Variants in GRID2 observed in about 807,000 individuals in gnomAD.
GRID2 encodes the protein glutamate receptor ionotropic, delta-2.
Under a neutral mutation model 114.8 loss-of-function variants are expected in GRID2, and 33 were observed. That is an observed-to-expected ratio of 0.29 (90% CI 0.22 to 0.38). GRID2 has a LOEUF of 0.38. GRID2 is among the 10% of genes least tolerant of loss of function. The probability of loss-of-function intolerance (pLI) is 1.00; values close to 1 mark genes in which losing one functional copy is unlikely to be tolerated. For missense variants in GRID2, 1,184 were observed against 1,257.7 expected, an observed-to-expected ratio of 0.94 and a Z score of 0.89; for synonymous variants, 505 against 449.9, an observed-to-expected ratio of 1.12 and a Z score of -1.55.
At chr4:92,720,633 A>T (rs1313729851) in intron 2 of GRID2, among the ~76,000 whole-genome samples, 3 of 152,126 alleles carry the variant, frequency 2.0e-5, no homozygotes, top group Admixed American at 2.0e-4. Flanking sequence ...ATCTTTAAAT[A>T]TGCAGAAACA....
intron 1 of GRID2, among the ~76,000 whole-genome samples, chr4:92,383,310 A>T (rs796128541): frequency 6.6e-6 from 1 of 152,150 alleles, no homozygotes; most frequent in South Asian, 2.1e-4. Context: ...TGTCTAATAA[A>T]CTAAATAGAC....
intron 2 of GRID2, among the ~76,000 whole-genome samples, chr4:93,021,439 T>C (rs1259743371): frequency 1.3e-5 from 2 of 149,584 alleles, no homozygotes; most frequent in Admixed American, 6.7e-5. Context: ...ATGATAGATA[T>C]TTAATTTTAA....
intron 2 of GRID2, among the ~76,000 whole-genome samples, chr4:92,906,263 T>C (rs1747943831): frequency 7.1e-6 from 1 of 140,344 alleles, no homozygotes; most frequent in African/African-American, 2.6e-5. Context: ...TGAACCAGGA[T>C]TAATTAAAGA....
intron 1 of GRID2, among the ~76,000 whole-genome samples, chr4:92,383,357 G>A (rs534401744): frequency 4.7e-4 from 71 of 151,990 alleles, no homozygotes; most frequent in Non-Finnish European, 4.7e-4. Context: ...TCTAAGTATT[G>A]TAATTCCTTT....
At chr4:93,789,744 A>C (rs1239933816) in intron 1 of GRID2, among the ~76,000 whole-genome samples, 1 of 152,226 alleles carries the variant, frequency 6.6e-6, no homozygotes, top group Non-Finnish European at 1.5e-5. Flanking sequence ...GTTGTTACAT[A>C]AGATTTAAAT....
chr4:92,652,550 C>T (rs1358484268), intron 2 of GRID2, among the ~76,000 whole-genome samples: 1 of 151,268 alleles, frequency 6.6e-6, no homozygotes, highest in East Asian at 2.0e-4. Context: ...GGCATGGTGA[C>T]ACATGCCTGT....
rs536311613 is a variant in GRID2 at position 92,489,763 on chromosome 4, A to T, written c.89-100368A>T. 7.3e-5 allele frequency among the ~76,000 whole-genome samples: 11 copies of T among 151,716 alleles called. No individual in the cohort carries two copies. The East Asian group carries it at 2.1e-3, about 30-fold the overall frequency. On this transcript the variant is annotated intron_variant, in intron 1 of 15. Coordinates refer to ENST00000282020, the MANE Select transcript of GRID2 (RefSeq NM_001510.4). ...CAGGCGGCTGAGGCAGGAGAATCAC[A>T]TGAACCTGGGAGCTGGAAGTTGCAG...
intron 4 of GRID2, among the ~76,000 whole-genome samples, chr4:93,177,873 T>G (rs1351754101): frequency 1.3e-5 from 2 of 152,118 alleles, no homozygotes; most frequent in Admixed American, 1.3e-4. Context: ...AATGATTACT[T>G]TTTCTATATG....
intron 4 of GRID2, among the ~76,000 whole-genome samples, chr4:93,142,799 T>G (rs1735888557): frequency 6.6e-6 from 1 of 152,194 alleles, no homozygotes; most frequent in Non-Finnish European, 1.5e-5. Context: ...TCAAGAACTG[T>G]GAAGGTTCAA....
chr4:92,751,320 A>C (rs575071800), intron 2 of GRID2, among the ~76,000 whole-genome samples: 225 of 152,276 alleles, frequency 1.5e-3, no homozygotes, highest in African/African-American at 5.3e-3. Flanking sequence ...AAAACTAGTA[A>C]ATAAATAAAA....
At chr4:92,825,161 G>T (rs1741598375) in intron 2 of GRID2, among the ~76,000 whole-genome samples, 4 of 151,946 alleles carry the variant, frequency 2.6e-5, no homozygotes, top group African/African-American at 9.7e-5. Flanking sequence ...CATGTATTAT[G>T]CCCAGGGATG....
chr4:93,222,191 T>C (rs1269573490), intron 6 of GRID2, among the ~76,000 whole-genome samples: 2 of 152,082 alleles, frequency 1.3e-5, no homozygotes, highest in Non-Finnish European at 2.9e-5. Context: ...TGAGTCCCCA[T>C]CCAGGAGGAA....
intron 1 of GRID2, among the ~76,000 whole-genome samples, chr4:92,430,752 C>T (rs1358724714): frequency 1.3e-5 from 2 of 151,926 alleles, no homozygotes; most frequent in Non-Finnish European, 2.9e-5. Flanking sequence ...TGAATATCTC[C>T]GTTTTTTGTG....
chr4:92,536,411 G>A (rs994901776), intron 1 of GRID2, among the ~76,000 whole-genome samples: 2 of 152,010 alleles, frequency 1.3e-5, no homozygotes, highest in Admixed American at 1.3e-4. Flanking sequence ...AAACCCAGCC[G>A]GCTTCACCTC....
At chr4:93,200,077 C>G (rs1741910916) in intron 4 of GRID2, among the ~76,000 whole-genome samples, 1 of 152,170 alleles carries the variant, frequency 6.6e-6, no homozygotes, top group South Asian at 2.1e-4. Context: ...ATATGCAACA[C>G]TCAGGCAACT....
chr4:93,252,905 T>C (rs569408794), intron 8 of GRID2, among the ~76,000 whole-genome samples: 1 of 152,154 alleles, frequency 6.6e-6, no homozygotes, highest in Non-Finnish European at 1.5e-5. Context: ...AATGTTAGAT[T>C]AGAATAAAAA....
At chr4:93,380,441 T>C (rs1763745560) in intron 8 of GRID2, among the ~76,000 whole-genome samples, 1 of 151,130 alleles carries the variant, frequency 6.6e-6, no homozygotes, top group Admixed American at 6.7e-5. Flanking sequence ...TTTGGGGCAG[T>C]TTGTTATGGC....
intron 1 of GRID2, among the ~76,000 whole-genome samples, chr4:92,549,202 G>A (rs531954699): frequency 7.9e-5 from 12 of 151,116 alleles, no homozygotes; most frequent in Admixed American, 4.6e-4. Context: ...CATTGATTTT[G>A]CACTTTGAAG....
At chr4:93,719,512 T>C (rs915625913) in intron 14 of GRID2, among the ~76,000 whole-genome samples, 1 of 152,104 alleles carries the variant, frequency 6.6e-6, no homozygotes, top group African/African-American at 2.4e-5. Context: ...ATTTTGGATT[T>C]TCATTTTCAA....
Sources: gnomAD v4.1 joint callset for allele counts (sites outside exome capture counted in the v4.1 genomes callset) on GRCh38, gnomAD v4.1.1 for gene constraint, MANE v1.5 for transcripts, NCBI Gene and HGNC (gene_info 2026-07-23, HGNC 2026-07-21) for gene names.